CNTNAP2: variants seen among roughly 807,000 people sequenced by gnomAD.
CNTNAP2 encodes contactin associated protein 2.
CNTNAP2 carries 98 observed loss-of-function variants against 155.2 expected under a neutral mutation model. The ratio of observed to expected loss-of-function variants is 0.63; its 90% confidence interval spans 0.54 to 0.75. CNTNAP2 has a LOEUF of 0.75. Among genes scored for constraint, CNTNAP2 ranks in the 30% least tolerant of loss-of-function variants. CNTNAP2 has a pLI of 0.00. For synonymous variants in CNTNAP2, 651 were observed against 631.2 expected (o/e 1.03, Z -0.47); for missense variants, 1,727 against 1,688.1 (o/e 1.02, Z -0.40).
At chr7:146,585,130 T>C (rs1454578203) in intron 1 of CNTNAP2, among the ~76,000 whole-genome samples, 2 of 151,838 alleles carry the variant, frequency 1.3e-5, no homozygotes, top group Non-Finnish European at 2.9e-5. Context: ...TTTGTTTTGT[T>C]TTGTTTTGTT....
chr7:146,685,505 A>C (rs2129170643), intron 1 of CNTNAP2, among the ~76,000 whole-genome samples: 1 of 152,342 alleles, frequency 6.6e-6, no homozygotes. Context: ...GGAGAACCAA[A>C]AAAATACATC....
intron 3 of CNTNAP2, among the ~76,000 whole-genome samples, chr7:146,987,739 T>G (rs1798139031): frequency 6.6e-6 from 1 of 152,130 alleles, no homozygotes; most frequent in Non-Finnish European, 1.5e-5. Flanking sequence ...GTATATATAT[T>G]CATAGAAAGA....
Position 148,246,270 on chromosome 7 carries a change from C to T in CNTNAP2, c.3381+16491C>T, listed in dbSNP as rs562746561. On this transcript the variant is annotated intron_variant, in intron 20 of 23. Coordinates refer to ENST00000361727, the MANE Select transcript of CNTNAP2 (RefSeq NM_014141.6). ...CGTACTAAAAAGGATGTGTCTGCTA[C>T]GTTGTTTTCTTTAATATCAAGGACT... Among the ~76,000 whole-genome samples, 18 of 152,286 alleles carry T rather than the reference C, an allele frequency of 1.2e-4. No individual in the cohort carries two copies. The South Asian group carries it at 3.7e-3, about 32-fold the overall frequency.
intron 8 of CNTNAP2, chr7:147,167,485 A>G: frequency 1.0e-6 from 1 of 966,104 alleles, no homozygotes; most frequent in South Asian, 1.4e-5. Flanking sequence ...GCCCCACTGG[A>G]GGTTGCCATG....
chr7:148,354,354 C>G (rs1436534920), intron 21 of CNTNAP2, among the ~76,000 whole-genome samples: 1 of 152,062 alleles, frequency 6.6e-6, no homozygotes, highest in Non-Finnish European at 1.5e-5. Flanking sequence ...TGAACTGTTT[C>G]CTTAGAAAAG....
At chr7:147,947,277 G>A (rs1800837245) in intron 14 of CNTNAP2, among the ~76,000 whole-genome samples, 1 of 151,930 alleles carries the variant, frequency 6.6e-6, no homozygotes, top group Admixed American at 6.6e-5. Flanking sequence ...TAGGGAGGAG[G>A]TCTTAAGACA....
At chr7:146,535,186 TG>T (rs1374733116) in intron 1 of CNTNAP2, among the ~76,000 whole-genome samples, 2 of 38,482 alleles carry the variant, frequency 5.2e-5, no homozygotes, top group Non-Finnish European at 7.2e-5. Flanking sequence ...ATCATATATA[TG>T]ATATTATATC....
chr7:146,805,345 G>A (rs767160382), intron 2 of CNTNAP2, among the ~76,000 whole-genome samples: 28 of 152,250 alleles, frequency 1.8e-4, no homozygotes, highest in Admixed American at 3.3e-4. Context: ...CATAGGGTAG[G>A]CCTCTATAAA....
intron 13 of CNTNAP2, among the ~76,000 whole-genome samples, chr7:147,722,498 A>G (rs1164362483): frequency 6.6e-6 from 1 of 152,120 alleles, no homozygotes; most frequent in Non-Finnish European, 1.5e-5. Flanking sequence ...GGCAGTTTGC[A>G]CAGCCCTTCA....
chr7:147,251,431 C>CAGAT lies in CNTNAP2; in HGVS notation c.1349-48707_1349-48704dup, dbSNP rs781414015. ...TTTGTTGTGGAATGTTTAGTCAAAACAGATAGGTAGGTAGGTAGGTAGGTA... is the reference window on the plus strand; with the variant it reads ...TTTGTTGTGGAATGTTTAGTCAAAACAGATAGATAGGTAGGTAGGTAGGTAGGTA... On this transcript the variant is annotated intron_variant, in intron 8 of 23. Transcript: ENST00000361727. Among the ~76,000 whole-genome samples the CAGAT allele has an allele frequency of 2.0e-3, 302 of 150,962 alleles. 2 individuals are homozygous for CAGAT. The highest frequency in any genetic ancestry group is 0.018 in the South Asian group (86 of 4,788).
chr7:146,796,719 A>G (rs117512777), intron 2 of CNTNAP2, among the ~76,000 whole-genome samples: 2,095 of 152,208 alleles, frequency 0.014, 19 homozygotes, highest in Non-Finnish European at 0.023. Flanking sequence ...CTGAAAATCA[A>G]CTTCCTTATC....
chr7:147,475,138 C>A (rs778799795), intron 10 of CNTNAP2, among the ~76,000 whole-genome samples: 2 of 152,078 alleles, frequency 1.3e-5, no homozygotes, highest in Admixed American at 1.3e-4. Context: ...AAGTTTCTAA[C>A]CAATAAATAT....
chr7:147,639,097 T>C lies in CNTNAP2; in HGVS notation c.1898-9T>C, dbSNP rs372830287. On this transcript the variant is annotated splice_polypyrimidine_tract_variant and intron_variant, in intron 12 of 23. Transcript: ENST00000361727. ...TGATCCAGGGTCCTGGTTGTTTTTC[T>C]CCCCACAGAGGACAAAGTGTGGACC... 8.9e-5 allele frequency: 143 copies of C among 1,613,852 alleles called. No individual in the cohort carries two copies. Among genetic ancestry groups the C allele is most frequent in the Non-Finnish European group, 1.2e-4 (137 of 1,179,938 alleles).
intron 11 of CNTNAP2, among the ~76,000 whole-genome samples, chr7:147,512,707 C>T (rs1314758009): frequency 6.6e-6 from 1 of 152,152 alleles, no homozygotes; most frequent in Non-Finnish European, 1.5e-5. Flanking sequence ...GAAGTCAACA[C>T]TGTAAAACTC....
intron 21 of CNTNAP2, among the ~76,000 whole-genome samples, chr7:148,278,939 C>A (rs537791203): frequency 4.6e-5 from 7 of 152,216 alleles, no homozygotes; most frequent in Admixed American, 6.5e-5. Context: ...AATGGCAGTC[C>A]AAAGGCTGTG....
At chr7:148,068,027 A>C (rs1480315367) in intron 15 of CNTNAP2, among the ~76,000 whole-genome samples, 1 of 152,088 alleles carries the variant, frequency 6.6e-6, no homozygotes, top group Non-Finnish European at 1.5e-5. Flanking sequence ...GTTTATATCC[A>C]GGTGCCGGTG....
At chr7:146,404,477 A>G (rs1217449707) in intron 1 of CNTNAP2, among the ~76,000 whole-genome samples, 1 of 152,132 alleles carries the variant, frequency 6.6e-6, no homozygotes, top group Non-Finnish European at 1.5e-5. Context: ...TCTCCCTTAG[A>G]CTACTGTAAT....
chr7:146,863,278 T>C (rs1475406048), intron 3 of CNTNAP2, among the ~76,000 whole-genome samples: 1 of 152,108 alleles, frequency 6.6e-6, no homozygotes, highest in African/African-American at 2.4e-5. Flanking sequence ...AAGAAAATAG[T>C]TTTAAAAAGG....
At chr7:148,391,360 G>A (rs926948479) in intron 22 of CNTNAP2, among the ~76,000 whole-genome samples, 5 of 131,558 alleles carry the variant, frequency 3.8e-5, no homozygotes, top group African/African-American at 1.1e-4. Flanking sequence ...CACCCCAAGC[G>A]CTAGGGCCTA....
Sources: allele counts gnomAD v4.1 joint callset (sites outside exome capture counted in the v4.1 genomes callset), GRCh38; gene constraint gnomAD v4.1.1; transcripts MANE v1.5; gene names NCBI Gene and HGNC (gene_info 2026-07-23, HGNC 2026-07-21).